HS3ST5: variants seen among roughly 807,000 people sequenced by gnomAD.
HS3ST5 encodes the protein heparan sulfate-glucosamine 3-sulfotransferase 5.
HS3ST5 carries 10 observed loss-of-function variants against 25.4 expected under a neutral mutation model. The ratio of observed to expected loss-of-function variants is 0.39; its 90% confidence interval spans 0.24 to 0.67. The LOEUF (loss-of-function observed/expected upper bound fraction) is 0.67. HS3ST5 is among the 30% of genes least tolerant of loss of function. The pLI is 0.44. For synonymous variants in HS3ST5, 170 were observed against 162.4 expected, an observed-to-expected ratio of 1.05 and a Z score of -0.36; for missense variants, 324 against 420.7, an observed-to-expected ratio of 0.77 and a Z score of 2.01.
chr6:114,319,685 T>C (rs1037865276), intron 1 of HS3ST5, among the ~76,000 whole-genome samples: 1 of 152,136 alleles, frequency 6.6e-6, no homozygotes, highest in Non-Finnish European at 1.5e-5. Flanking sequence ...TATTTTTTCT[T>C]GTGATTGAAT....
chr6:114,127,646 G>A (rs1364025297), intron 3 of HS3ST5, among the ~76,000 whole-genome samples: 5 of 152,092 alleles, frequency 3.3e-5, no homozygotes, highest in Non-Finnish European at 7.4e-5. Flanking sequence ...GAATCTTAAA[G>A]CACTATGCCT....
chr6:114,093,713 C>T (rs1775269407), intron 3 of HS3ST5, among the ~76,000 whole-genome samples: 1 of 151,828 alleles, frequency 6.6e-6, no homozygotes, highest in South Asian at 2.1e-4. Context: ...GCATGGACAA[C>T]CCAAGCTGGA....
intron 1 of HS3ST5, among the ~76,000 whole-genome samples, chr6:114,313,575 T>C (rs956318195): frequency 4.6e-5 from 7 of 152,284 alleles, no homozygotes; most frequent in Non-Finnish European, 8.8e-5. Flanking sequence ...TATAATTTCA[T>C]TTAGAAATGA....
intron 1 of HS3ST5, among the ~76,000 whole-genome samples, chr6:114,321,996 C>CCA (rs961489913): frequency 3.1e-4 from 47 of 152,224 alleles, no homozygotes; most frequent in African/African-American, 1.1e-3. Flanking sequence ...TTACTTTTCT[C>CCA]CACACCATTT....
At chr6:114,109,018 C>A (rs1055003793) in intron 3 of HS3ST5, among the ~76,000 whole-genome samples, 11 of 152,138 alleles carry the variant, frequency 7.2e-5, no homozygotes, top group Admixed American at 4.6e-4. Flanking sequence ...CAAAAGTTAG[C>A]CAGATGTGGT....
chr6:114,110,268 T>A (rs1468501405), intron 3 of HS3ST5, among the ~76,000 whole-genome samples: 1 of 152,024 alleles, frequency 6.6e-6, no homozygotes, highest in East Asian at 1.9e-4. Flanking sequence ...TATACATTAT[T>A]TTATTTCCCT....
chr6:114,267,713 G>T (rs1424907460), intron 1 of HS3ST5, among the ~76,000 whole-genome samples: 1 of 152,166 alleles, frequency 6.6e-6, no homozygotes, highest in Non-Finnish European at 1.5e-5. Context: ...TTGGTCTTTA[G>T]AATTCCAGAG....
At chr6:114,161,548 T>C (rs1778961513) in intron 3 of HS3ST5, among the ~76,000 whole-genome samples, 2 of 87,030 alleles carry the variant, frequency 2.3e-5, no homozygotes, top group South Asian at 7.6e-4. Flanking sequence ...TATATATATA[T>C]ATATATATAT....
chr6:114,239,717 G>A (rs1230500292), intron 1 of HS3ST5, among the ~76,000 whole-genome samples: 2 of 152,098 alleles, frequency 1.3e-5, no homozygotes, highest in Admixed American at 6.5e-5. Context: ...CCCACAGACA[G>A]GATGCTGAGA....
chr6:114,222,451 G>A (rs1181531045), intron 2 of HS3ST5, among the ~76,000 whole-genome samples: 1 of 151,848 alleles, frequency 6.6e-6, no homozygotes, highest in Non-Finnish European at 1.5e-5. Context: ...ATATAGGAAT[G>A]GGTCTTGATT....
intron 3 of HS3ST5, among the ~76,000 whole-genome samples, chr6:114,103,664 T>C (rs1192636274): frequency 6.6e-6 from 1 of 151,408 alleles, no homozygotes; most frequent in Non-Finnish European, 1.5e-5. Flanking sequence ...CTAACTGTAT[T>C]CTTTATTGTT....
chr6:114,115,815 G>T (rs1211476010), intron 3 of HS3ST5, among the ~76,000 whole-genome samples: 2 of 152,050 alleles, frequency 1.3e-5, no homozygotes, highest in Non-Finnish European at 2.9e-5. Context: ...GTGGTGAAGG[G>T]TAAGTATTTT....
intron 2 of HS3ST5, among the ~76,000 whole-genome samples, chr6:114,168,868 C>T (rs1779339138): frequency 6.6e-6 from 1 of 152,066 alleles, no homozygotes; most frequent in Non-Finnish European, 1.5e-5. Flanking sequence ...ATCTCCAGAC[C>T]TGTTGATAGC....
intron 3 of HS3ST5, among the ~76,000 whole-genome samples, chr6:114,070,484 A>C (rs897800999): frequency 6.6e-6 from 1 of 152,178 alleles, no homozygotes; most frequent in Non-Finnish European, 1.5e-5. Context: ...GACCAGAATC[A>C]TGGATACCCC....
chr6:114,118,815 G>A (rs1038369332), intron 3 of HS3ST5, among the ~76,000 whole-genome samples: 3 of 152,152 alleles, frequency 2.0e-5, no homozygotes, highest in African/African-American at 7.2e-5. Flanking sequence ...AATGGCACAT[G>A]TTACCTCTAG....
chr6:114,134,601 A>G (rs1409667510), intron 3 of HS3ST5, among the ~76,000 whole-genome samples: 1 of 152,154 alleles, frequency 6.6e-6, no homozygotes, highest in Non-Finnish European at 1.5e-5. Flanking sequence ...TTGTCAAGGA[A>G]ATACCTGCTC....
At chr6:114,175,233 G>C (rs1345716997) in intron 2 of HS3ST5, among the ~76,000 whole-genome samples, 1 of 152,120 alleles carries the variant, frequency 6.6e-6, no homozygotes, top group Non-Finnish European at 1.5e-5. Flanking sequence ...TGTTGTGACT[G>C]GAAAAGAAAA....
chr6:114,163,424 C>T (rs566061307), intron 3 of HS3ST5, among the ~76,000 whole-genome samples: 26 of 152,144 alleles, frequency 1.7e-4, no homozygotes, highest in African/African-American at 4.8e-4. Context: ...AAGGTAAGTA[C>T]GCAGTAGTCC....
In HS3ST5 at chr6:114,167,246, C is replaced by T. The variant is rs183863417; in HGVS notation, c.-33+1105G>A. Among the ~76,000 whole-genome samples, 37 of 152,284 alleles carry T rather than the reference C, an allele frequency of 2.4e-4. 1 individual carries two copies. The East Asian group carries it at 5.6e-3, about 23-fold the overall frequency. ...GAATGATACAGCCTAGGGTTTAAGA[C>T]CAGAAACTTTAGTTCTGATTCTGCT... On this transcript the variant is annotated intron_variant, in intron 3 of 4. Transcript: ENST00000312719.
Sources: gnomAD v4.1 joint callset for allele counts (sites outside exome capture counted in the v4.1 genomes callset) on GRCh38, gnomAD v4.1.1 for gene constraint, MANE v1.5 for transcripts, NCBI Gene and HGNC (gene_info 2026-07-23, HGNC 2026-07-21) for gene names.